ETV7: variants seen among roughly 807,000 people sequenced by gnomAD.
ETV7 encodes the protein ETS variant transcription factor 7, also known as transcription factor ETV7.
A neutral mutation model predicts 39.1 loss-of-function variants in ETV7; 43 were observed. That is an observed-to-expected ratio of 1.10 (90% confidence interval 0.86 to 1.42). ETV7 has a LOEUF of 1.42. Ranked by LOEUF, ETV7 falls within the 40% of genes most tolerant of loss-of-function variation. The pLI is 0.00. For synonymous variants in ETV7, 196 were observed against 176.6 expected (o/e 1.11, Z -0.87); for missense variants, 432 against 442.3 (o/e 0.98, Z 0.21).
intron 2 of ETV7, among the ~76,000 whole-genome samples, chr6:36,380,931 G>A (rs1773621173): frequency 6.7e-6 from 1 of 148,750 alleles, no homozygotes; most frequent in Admixed American, 6.8e-5. Flanking sequence ...CTCTCTTGCT[G>A]AAGAAACTAT....
intron 3 of ETV7, among the ~76,000 whole-genome samples, chr6:36,375,206 C>T (rs1773256455): frequency 6.6e-6 from 1 of 152,038 alleles, no homozygotes; most frequent in African/African-American, 2.4e-5. Context: ...AGACAAGGAA[C>T]ACAGAAAACA....
In ETV7 at chr6:36,387,592, G is replaced by A. The variant is rs371649275; in HGVS notation, c.-51C>T. ...GGCTTTCTGTCTTGAGCGCTCCCCT[G>A]GCTGTGGCTGCTGGGGCCCTAGGCC... On this transcript the variant is annotated 5_prime_UTR_variant, in exon 1 of 8. Transcript: ENST00000340181. 5 of 1,611,532 alleles carry A rather than the reference G, an allele frequency of 3.1e-6. No individual in the cohort carries two copies. Among genetic ancestry groups the A allele is most frequent in the Admixed American group, 3.3e-5 (2 of 59,858 alleles).
intron 2 of ETV7, among the ~76,000 whole-genome samples, chr6:36,385,301 T>C (rs1728647452): frequency 6.6e-6 from 1 of 152,040 alleles, no homozygotes; most frequent in South Asian, 2.1e-4. Context: ...CATACTGAGA[T>C]TCCCATTTCT....
chr6:36,365,105 G>C (rs1360286214), downstream of ETV7, among the ~76,000 whole-genome samples: 1 of 152,234 alleles, frequency 6.6e-6, no homozygotes, highest in African/African-American at 2.4e-5. Context: ...CTGGGGGCAA[G>C]AGGCTGAGGT....
rs145143955 is a variant in ETV7 at position 36,359,319 on chromosome 6, T to A, written c.909-4632A>T. On this transcript the variant is annotated intron_variant, in intron 7 of 7. Coordinates refer to the ETV7 transcript ENST00000339796. ...TACAAAAATTAGCCAGGTGTGGTGGTGCACGCCTGTGATCCCAGCTACTCA... is the reference window on the plus strand; with the variant it reads ...TACAAAAATTAGCCAGGTGTGGTGGAGCACGCCTGTGATCCCAGCTACTCA... 7.9e-5 allele frequency among the ~76,000 whole-genome samples: 12 copies of A among 151,922 alleles called. 1 individual carries two copies.
At position 36,373,437 on chromosome 6, in the gene ETV7, C is replaced by A; in HGVS notation, c.433+16G>T. ...TTTGAGGGAGGTACTCCGAGCACCA[C>A]AGAGAGCTTCCTCACCTTCCGGGGG... On this transcript the variant is annotated intron_variant, in intron 4 of 7. Transcript: ENST00000340181. 1 of 1,541,644 alleles carries A rather than the reference C, an allele frequency of 6.5e-7. No homozygotes were observed.
chr6:36,369,980 C>T (rs1365483663), intron 5 of ETV7, among the ~76,000 whole-genome samples: 6 of 151,814 alleles, frequency 4.0e-5, no homozygotes, highest in South Asian at 4.2e-4. Flanking sequence ...ATGTTTCTGG[C>T]GTCCATGTGA....
intron 6 of ETV7, among the ~76,000 whole-genome samples, chr6:36,367,647 G>A (rs571483975): frequency 6.6e-6 from 1 of 151,690 alleles, no homozygotes; most frequent in Admixed American, 6.6e-5. Context: ...TGGTGGGGTG[G>A]CATGGATGGC....
rs759995684 is a variant in ETV7 at position 36,371,365 on chromosome 6, G to A, written c.629C>T (p.Ala210Val). 19 of 1,598,768 alleles carry A rather than the reference G, an allele frequency of 1.2e-5. No homozygotes were observed. Among genetic ancestry groups the A allele is most frequent in the East Asian group, 2.3e-5 (1 of 44,246 alleles). ...CRTQGVCSFP[A>V]MPQAPIDGRI... ...GCCGTCAATGGGGGCCTGCGGCATC[G>A]CGGGGAAGGAACAGACCCCCTGGGT... The change falls in exon 5 of 8, where the codon GCG becomes GTG. Residue 210 changes from alanine to valine, a missense_variant. Physicochemically the swap from Ala to Val is moderately conservative, Grantham distance 64. Coordinates refer to ENST00000340181, the MANE Select transcript of ETV7 (RefSeq NM_016135.4).
At chr6:36,367,032 ACCTGGAAG>A in intron 6 of ETV7, 57 bp from the exon 7 acceptor site, 2 of 1,321,932 alleles carry the variant, frequency 1.5e-6, no homozygotes, top group South Asian at 2.4e-5. Context: ...CTCCTTCCAC[ACCTGGAAG>A]GGAGTAGGGT....
chr6:36,376,254 TGTAG>T (rs112939648), intron 2 of ETV7, among the ~76,000 whole-genome samples: 4,630 of 150,468 alleles, frequency 0.031, 204 homozygotes, highest in African/African-American at 0.1. Context: ...TCATTATGTA[TGTAG>T]CATGTATTTA....
chr6:36,367,527 G>A, intron 6 of ETV7, among the ~76,000 whole-genome samples: 1 of 152,186 alleles, frequency 6.6e-6, no homozygotes, highest in East Asian at 1.9e-4. Context: ...TGCCTACTTG[G>A]CTGAGAACAT....
In ETV7 at chr6:36,373,453, C is replaced by T. The variant is rs756114308; in HGVS notation, c.433G>A (p.Glu145Lys). Residue 145 changes from glutamate (E) to lysine (K), a missense_variant and splice_region_variant, in exon 4 of 8, where the codon GAG becomes AAG. By Grantham distance (56) the Glu-to-Lys change is moderately conservative. Transcript: ENST00000340181. ...CGAGCACCACAGAGAGCTTCCTCACCTTCCGGGGGGACTGGAGAGTGCTGG... is the reference window on the plus strand; with the variant it reads ...CGAGCACCACAGAGAGCTTCCTCACTTTCCGGGGGGACTGGAGAGTGCTGG... The part of the protein sequence containing the change: ...PTQHSPVPPE[E>K]VTGPSQMDTR... The T allele has an allele frequency of 5.1e-6, 8 of 1,556,396 alleles. No individual in the cohort carries two copies. The Admixed American group carries it at 6.2e-5, about 12-fold the overall frequency.
At chr6:36,382,176 C>G (rs2127401686) in intron 2 of ETV7, among the ~76,000 whole-genome samples, 1 of 152,280 alleles carries the variant, frequency 6.6e-6, no homozygotes, top group Middle Eastern at 3.4e-3. Flanking sequence ...GACCTCAACC[C>G]ATGGTAAACA....
At chr6:36,371,782 G>T (rs960506917) in intron 4 of ETV7, among the ~76,000 whole-genome samples, 48 of 152,240 alleles carry the variant, frequency 3.2e-4, no homozygotes, top group Admixed American at 3.0e-3. Context: ...AACCTGTCAA[G>T]CCTGTTCCCT....
downstream of ETV7, among the ~76,000 whole-genome samples, chr6:36,363,315 C>CTGCAGACCTTCGCGGTGAGTGT (rs1561899795): frequency 2.5e-5 from 2 of 80,482 alleles, no homozygotes; most frequent in Non-Finnish European, 4.3e-5. Flanking sequence ...AGGAGTGAAG[C>CTGCAGACCTTCGCGGTGAGTGT]TGCAGACCTT....
In ETV7 at chr6:36,387,629, G is replaced by A; in HGVS notation, c.-88C>T. 6.8e-7 allele frequency: 1 copy of A among 1,480,258 alleles called. No individual in the cohort carries two copies. The highest frequency in any genetic ancestry group is 9.4e-7 in the Non-Finnish European group (1 of 1,067,604). The allele number at this position is 1,480,258 out of a possible 1,614,324, so 91.7% of individuals were successfully genotyped here. A position where few individuals can be genotyped will look rare whatever the true frequency, so the allele number is the denominator to read the frequency against. On this transcript the variant is annotated 5_prime_UTR_variant, in exon 1 of 8. Coordinates refer to ENST00000340181, the MANE Select transcript of ETV7 (RefSeq NM_016135.4). ...TGGGGCCCTAGGCCCGCGCCCCGCA[G>A]TCCTCCTCCGCCAAACCCCTAACCT...
At chr6:36,361,795 G>T (rs1582164074), downstream of ETV7, among the ~76,000 whole-genome samples, 1 of 152,164 alleles carries the variant, frequency 6.6e-6, no homozygotes, top group African/African-American at 2.4e-5. Context: ...TTTATCTATT[G>T]TCAGTTCTTT....
intron 1 of ETV7, among the ~76,000 whole-genome samples, chr6:36,386,645 G>T (rs1263379968): frequency 6.6e-6 from 1 of 152,256 alleles, no homozygotes; most frequent in Non-Finnish European, 1.5e-5. Context: ...GATCCGAGGA[G>T]AGATATCTGC....
Sources: gnomAD v4.1 joint callset for allele counts (sites outside exome capture counted in the v4.1 genomes callset) on GRCh38, gnomAD v4.1.1 for gene constraint, MANE v1.5 for transcripts, NCBI Gene and HGNC (gene_info 2026-07-23, HGNC 2026-07-21) for gene names.